DAAM1: variants seen among roughly 807,000 people sequenced by gnomAD.
DAAM1 encodes disheveled-associated activator of morphogenesis 1.
DAAM1 carries 52 observed loss-of-function variants against 130.0 expected under a neutral mutation model. The ratio of observed to expected loss-of-function variants is 0.40; its 90% CI spans 0.32 to 0.50. The LOEUF (loss-of-function observed/expected upper bound fraction) is 0.50, where lower values mean the gene tolerates loss of function less well. Among genes scored for constraint, DAAM1 ranks in the 20% least tolerant of loss-of-function variants. DAAM1 has a pLI of 0.61. For synonymous variants in DAAM1, 452 were observed against 444.5 expected (o/e 1.02, Z -0.21); for missense variants, 1,134 against 1,303.8 (o/e 0.87, Z 2.01).
chr14:59,319,198 G>C (rs61984493), intron 4 of DAAM1, among the ~76,000 whole-genome samples: 10,006 of 152,238 alleles, frequency 0.066, 430 homozygotes, highest in Non-Finnish European at 0.098. Context: ...GGTGACAGCT[G>C]TCTGTGAGCA....
At chr14:59,362,255 G>A (rs1017457618) in intron 22 of DAAM1, 1 of 151,780 alleles carries the variant, frequency 6.6e-6, no homozygotes, top group Non-Finnish European at 1.5e-5. Flanking sequence ...CTATCCCTTG[G>A]GTCATATACA....
chr14:59,331,147 T>C (rs1277663438), intron 13 of DAAM1, 62 bp from the exon 14 acceptor site: 6 of 1,587,544 alleles, frequency 3.8e-6, no homozygotes, highest in Non-Finnish European at 5.1e-6. Context: ...TACAGACTCT[T>C]AAATCATTCA....
intron 3 of DAAM1, among the ~76,000 whole-genome samples, chr14:59,296,621 G>T (rs1883963751): frequency 6.6e-6 from 1 of 152,188 alleles, no homozygotes; most frequent in African/African-American, 2.4e-5. Flanking sequence ...ACCTCTAGGA[G>T]TGTGTGTGTT....
At chr14:59,368,044 TTC>T (rs1886990543) in intron 24 of DAAM1, among the ~76,000 whole-genome samples, 1 of 152,106 alleles carries the variant, frequency 6.6e-6, no homozygotes, top group Admixed American at 6.5e-5. Flanking sequence ...TGAAATCTTT[TTC>T]TGTTTTGTTT....
At chr14:59,257,458 G>A (rs924047109) in intron 1 of DAAM1, among the ~76,000 whole-genome samples, 13 of 151,750 alleles carry the variant, frequency 8.6e-5, no homozygotes, top group Non-Finnish European at 1.6e-4. Context: ...GAAACTGAAG[G>A]CCTACAAAGC....
At chr14:59,212,361 G>A (rs993908549) in intron 1 of DAAM1, among the ~76,000 whole-genome samples, 1 of 152,050 alleles carries the variant, frequency 6.6e-6, no homozygotes, top group Admixed American at 6.5e-5. Flanking sequence ...GTTGTCACAA[G>A]GTGAACAAAT....
At chr14:59,346,748 T>C (rs1566716453) in intron 16 of DAAM1, among the ~76,000 whole-genome samples, 1 of 152,240 alleles carries the variant, frequency 6.6e-6, no homozygotes, top group Non-Finnish European at 1.5e-5. Context: ...TAACATTATA[T>C]TTTATATTTT....
chr14:59,233,696 A>G (rs1459219571), intron 1 of DAAM1, among the ~76,000 whole-genome samples: 1 of 152,200 alleles, frequency 6.6e-6, no homozygotes, highest in South Asian at 2.1e-4. Flanking sequence ...TGTTTTAATC[A>G]TGAAGTCTTT....
intron 2 of DAAM1, among the ~76,000 whole-genome samples, chr14:59,271,234 A>G (rs1394856025): frequency 1.3e-5 from 2 of 152,198 alleles, no homozygotes; most frequent in Non-Finnish European, 2.9e-5. Flanking sequence ...AAAATATTTT[A>G]AAGAAACTTG....
intron 15 of DAAM1, among the ~76,000 whole-genome samples, chr14:59,337,466 G>C (rs755646287): frequency 6.6e-6 from 1 of 152,206 alleles, no homozygotes; most frequent in Non-Finnish European, 1.5e-5. Flanking sequence ...AGACCAGTGA[G>C]ACCTTAAGGA....
chr14:59,317,171 G>C (rs201403603), intron 4 of DAAM1, among the ~76,000 whole-genome samples: 2 of 152,190 alleles, frequency 1.3e-5, no homozygotes, highest in East Asian at 3.9e-4. Flanking sequence ...AATTGTCAGT[G>C]ACTTTGCTAT....
intron 2 of DAAM1, chr14:59,266,196 T>A (rs2139512266): frequency 6.6e-6 from 1 of 151,200 alleles, no homozygotes; most frequent in East Asian, 2.0e-4. Flanking sequence ...CCAAAGGACA[T>A]AGGTGTTGCT....
chr14:59,268,016 C>T (rs1404664377), intron 2 of DAAM1, among the ~76,000 whole-genome samples: 3 of 149,126 alleles, frequency 2.0e-5, no homozygotes, highest in African/African-American at 4.9e-5. Context: ...GATTATTTTG[C>T]TTCAGCCTCC....
At chr14:59,354,614 G>T (rs1001399017) in intron 19 of DAAM1, among the ~76,000 whole-genome samples, 3 of 152,132 alleles carry the variant, frequency 2.0e-5, no homozygotes, top group Non-Finnish European at 4.4e-5. Context: ...AAGATTTGAG[G>T]CTGTTGTATG....
chr14:59,362,078 A>G (rs1886727720), intron 22 of DAAM1, among the ~76,000 whole-genome samples: 1 of 128,956 alleles, frequency 7.8e-6, no homozygotes, highest in South Asian at 2.5e-4. Flanking sequence ...AATTCTACTG[A>G]TTGAACTTTT....
intron 2 of DAAM1, among the ~76,000 whole-genome samples, chr14:59,272,749 C>T (rs1253498031): frequency 6.6e-6 from 1 of 151,900 alleles, no homozygotes; most frequent in Non-Finnish European, 1.5e-5. Context: ...GGAAAATGCT[C>T]AGAACAGTGT....
chr14:59,229,366 A>C (rs914380579), intron 1 of DAAM1, among the ~76,000 whole-genome samples: 2 of 152,178 alleles, frequency 1.3e-5, no homozygotes, highest in African/African-American at 4.8e-5. Flanking sequence ...CCTAAGCATC[A>C]CCCTAAATGA....
intron 2 of DAAM1, among the ~76,000 whole-genome samples, chr14:59,287,188 C>A (rs1226367475): frequency 6.6e-5 from 10 of 152,156 alleles, no homozygotes; most frequent in Non-Finnish European, 1.2e-4. Context: ...AACCTTTGAT[C>A]ATCTCTATAG....
intron 16 of DAAM1, among the ~76,000 whole-genome samples, chr14:59,340,460 C>T (rs1366288675): frequency 1.3e-5 from 2 of 152,214 alleles, no homozygotes; most frequent in South Asian, 2.1e-4. Context: ...CCTGTAACAT[C>T]GACTTGACTT....
Sources: gnomAD v4.1 joint callset for allele counts (sites outside exome capture counted in the v4.1 genomes callset) on GRCh38, gnomAD v4.1.1 for gene constraint, MANE v1.5 for transcripts, NCBI Gene and HGNC (gene_info 2026-07-23, HGNC 2026-07-21) for gene names.